The following ALG8 variants were observed in gnomAD, a reference collection of about 807,000 sequenced individuals.
ALG8 encodes ALG8 alpha-1,3-glucosyltransferase, also known as dolichyl pyrophosphate Glc1Man9GlcNAc2 alpha-1,3-glucosyltransferase.
Under a neutral mutation model 70.2 loss-of-function variants are expected in ALG8, and 48 were observed. The observed-to-expected ratio is 0.68, with a 90% CI of 0.54 to 0.87. The LOEUF is 0.87. Ranked by LOEUF, ALG8 falls within the 40% of genes least tolerant of loss-of-function variation. ALG8 has a pLI of 0.00. For synonymous variants in ALG8, 234 were observed against 229.0 expected (o/e 1.02, Z -0.20); for missense variants, 572 against 608.7 (o/e 0.94, Z 0.64).
chr11:78,129,601 G>C (rs1861220375), intron 1 of ALG8, among the ~76,000 whole-genome samples: 1 of 152,150 alleles, frequency 6.6e-6, no homozygotes, highest in African/African-American at 2.4e-5. Flanking sequence ...CAAGGAGTTT[G>C]AAATATGTAC....
chr11:78,110,338 T>C (rs1032760898), intron 8 of ALG8, among the ~76,000 whole-genome samples: 2 of 152,144 alleles, frequency 1.3e-5, no homozygotes, highest in Non-Finnish European at 2.9e-5. Flanking sequence ...ATTACAGGCA[T>C]GTGCCACCAT....
intron 1 of ALG8, among the ~76,000 whole-genome samples, chr11:78,130,580 C>A (rs770664061): frequency 3.9e-5 from 6 of 152,062 alleles, no homozygotes; most frequent in Non-Finnish European, 7.3e-5. Context: ...TTCCACTGAA[C>A]TTTGGAAGCT....
intron 3 of ALG8, among the ~76,000 whole-genome samples, chr11:78,123,435 TTAAAA>T (rs2136924587): frequency 6.6e-6 from 1 of 151,922 alleles, no homozygotes; most frequent in East Asian, 1.9e-4. Context: ...TATTCAATAC[TTAAAA>T]TTAACTTATA....
intron 9 of ALG8, among the ~76,000 whole-genome samples, chr11:78,107,988 C>T (rs758797248): frequency 3.3e-5 from 5 of 149,778 alleles, no homozygotes; most frequent in Non-Finnish European, 7.4e-5. Context: ...CTACTAAAAA[C>T]TACAAAAAAG....
intron 9 of ALG8, chr11:78,107,688 A>G: frequency 5.5e-6 from 1 of 180,616 alleles, no homozygotes; most frequent in Non-Finnish European, 1.2e-5. Context: ...AAAATACAAA[A>G]AAAACTAGCT....
chr11:78,101,082 G>C lies in ALG8; in HGVS notation c.1463C>G (p.Pro488Arg), dbSNP rs758549233. Residue 488 changes from proline to arginine, a missense_variant, in exon 13 of 13, where the codon CCC (proline) becomes CGC (arginine). Pro to Arg is a moderately radical substitution (Grantham distance 103). Transcript: ENST00000299626. ...FPFTSWKVKY[P>R]FIPLLLTSVY... ...TGAGGTTAGTAACAAAGGGATGAAG[G>C]GGTACTTCACCTTCCAGGAGGTGAA... 1.9e-6 allele frequency: 3 copies of C among 1,614,148 alleles called. No individual in the cohort carries two copies. Among genetic ancestry groups the C allele is most frequent in the Non-Finnish European group, 2.5e-6 (3 of 1,179,998 alleles).
In ALG8 at chr11:78,114,534, T is replaced by C. The variant is rs1860468797; in HGVS notation, c.547-142A>G. ...AAATTCAAATGCATCAATATTGCTT[T>C]CTTAGTCTTGATGAATGTACCATGG... On this transcript the variant is annotated intron_variant, in intron 5 of 12. Coordinates refer to ENST00000299626, the MANE Select transcript of ALG8 (RefSeq NM_024079.5). The C allele has an allele frequency of 7.8e-6, 8 of 1,030,718 alleles. No homozygotes were observed. The South Asian group carries it at 9.7e-5, about 13-fold the overall frequency. The allele number at this position is 1,030,718 out of a possible 1,614,324, so 63.8% of individuals were successfully genotyped here.
chr11:78,117,162 T>G (rs1860611617), intron 5 of ALG8, among the ~76,000 whole-genome samples: 1 of 152,148 alleles, frequency 6.6e-6, no homozygotes, highest in African/African-American at 2.4e-5. Flanking sequence ...ATTTTACAAC[T>G]AAGAATGTAG....
At chr11:78,107,536 CT>C (rs1860096420) in intron 9 of ALG8, among the ~76,000 whole-genome samples, 1 of 147,382 alleles carries the variant, frequency 6.8e-6, no homozygotes, top group African/African-American at 2.5e-5. Flanking sequence ...ATATATTTAA[CT>C]CATTAAAATT....
chr11:78,126,338 C>T (rs960410237), intron 2 of ALG8, among the ~76,000 whole-genome samples: 3 of 151,568 alleles, frequency 2.0e-5, no homozygotes, highest in Non-Finnish European at 4.4e-5. Context: ...CGAGACCAGC[C>T]TGGCCAACAT....
chr11:78,119,134 A>C (rs779526652), intron 5 of ALG8, 48 bp downstream of exon 5: 1 of 1,467,318 alleles, frequency 6.8e-7, no homozygotes, highest in Non-Finnish European at 9.5e-7. Flanking sequence ...TTTACAATCT[A>C]AAAACTAATC....
intron 12 of ALG8, 55 bp from the exon 13 acceptor site, chr11:78,101,250 A>C: frequency 1.4e-6 from 2 of 1,443,532 alleles, no homozygotes; most frequent in Non-Finnish European, 1.9e-6. Context: ...CTGGTTTAGC[A>C]AACATTTCCT....
chr11:78,135,808 A>C (rs939599853), intron 1 of ALG8, among the ~76,000 whole-genome samples: 40 of 151,702 alleles, frequency 2.6e-4, no homozygotes, highest in Non-Finnish European at 5.0e-4. Flanking sequence ...AGATTGTGCC[A>C]CTACACTCCA....
chr11:78,114,320 G>A lies in ALG8; in HGVS notation c.619C>T (p.Pro207Ser), dbSNP rs979344807. The change falls in exon 6 of 13, where the codon CCA becomes TCA. Residue 207 changes from proline (P) to serine (S), a missense_variant. Coordinates refer to ENST00000299626, the MANE Select transcript of ALG8 (RefSeq NM_024079.5). ...CGCAGCAGATATACACCATAAGCTG[G>A]TGCTACATAGAGGTAGATATGCTTG... The part of the protein sequence containing the change: ...HFKHIYLYVA[P>S]AYGVYLLRSY... The A allele has an allele frequency of 1.2e-6, 2 of 1,614,116 alleles. No individual in the cohort carries two copies. The highest frequency in any genetic ancestry group is 1.7e-5 in the Admixed American group (1 of 60,024).
chr11:78,113,892 C>T lies in ALG8; in HGVS notation c.771G>A (p.Leu257=). 1 of 1,546,874 alleles carries T rather than the reference C, an allele frequency of 6.5e-7. No homozygotes were observed. Among genetic ancestry groups the T allele is most frequent in the African/African-American group, 1.5e-5 (1 of 65,580 alleles). The change falls in exon 7 of 13, where the codon CTG becomes CTA. Residue 257 remains leucine, a synonymous_variant. Coordinates refer to ENST00000299626, the MANE Select transcript of ALG8 (RefSeq NM_024079.5). ...AAAAAAAAAAAAGGCTTACCAAGGCCAGGAAAGGACCCAATGAAAGAGCAG... is the reference window on the plus strand; with the variant it reads ...AAAAAAAAAAAAGGCTTACCAAGGCTAGGAAAGGACCCAATGAAAGAGCAG... The part of the protein sequence containing the change: ...LVSALSLGPF[L]ALNQLPQVFS...
chr11:78,118,140 C>G (rs1266729429), intron 5 of ALG8, among the ~76,000 whole-genome samples: 1 of 151,922 alleles, frequency 6.6e-6, no homozygotes, highest in Non-Finnish European at 1.5e-5. Flanking sequence ...TTTGAGTAAG[C>G]CCTGAGTTGC....
Position 78,123,954 on chromosome 11 carries a change from T to A in ALG8, c.368+67A>T. ...TGTTCCTCCTAAATTGGGAGTAAGTTAATACTACTTAACACTGTACTATTT... is the reference window on the plus strand; with the variant it reads ...TGTTCCTCCTAAATTGGGAGTAAGTAAATACTACTTAACACTGTACTATTT... On this transcript the variant is annotated intron_variant, in intron 3 of 12. Coordinates refer to ENST00000299626, the MANE Select transcript of ALG8 (RefSeq NM_024079.5). 2.0e-6 allele frequency: 3 copies of A among 1,532,826 alleles called. No homozygotes were observed. The East Asian group carries it at 6.7e-5, about 34-fold the overall frequency. 95.0% of individuals were successfully genotyped at this position (1,532,826 alleles called of 1,614,324 possible). A position where few individuals can be genotyped will look rare whatever the true frequency, so the allele number is the denominator to read the frequency against.
chr11:78,139,392 TA>T, intron 1 of ALG8, 101 bp downstream of exon 1: 2 of 1,193,360 alleles, frequency 1.7e-6, no homozygotes, highest in Non-Finnish European at 2.4e-6. Context: ...AAACACGACC[TA>T]AAGTTTTCTC....
At chr11:78,113,806 C>CA in intron 7 of ALG8, 80 bp downstream of exon 7, 1 of 1,064,878 alleles carries the variant, frequency 9.4e-7, no homozygotes, top group Non-Finnish European at 1.3e-6. Context: ...ACTTATTTTA[C>CA]ATATTCCTGG....
Sources: allele counts gnomAD v4.1 joint callset (sites outside exome capture counted in the v4.1 genomes callset), GRCh38; gene constraint gnomAD v4.1.1; transcripts MANE v1.5; gene names NCBI Gene and HGNC (gene_info 2026-07-23, HGNC 2026-07-21).